PTK2: variants seen among roughly 807,000 people sequenced by gnomAD.
PTK2 encodes protein tyrosine kinase 2.
PTK2 carries 45 observed loss-of-function variants against 150.1 expected under a neutral mutation model. The observed-to-expected ratio is 0.30, with a 90% CI of 0.24 to 0.38. PTK2 has a LOEUF of 0.38. PTK2 is among the 10% of genes least tolerant of loss of function. The probability of loss-of-function intolerance (pLI) is 1.00; values close to 1 mark genes in which losing one functional copy is unlikely to be tolerated. For missense variants in PTK2, 919 were observed against 1,307.3 expected, an observed-to-expected ratio of 0.70 and a Z score of 4.58; for synonymous variants, 432 against 449.2, an observed-to-expected ratio of 0.96 and a Z score of 0.48.
chr8:140,672,560 T>A (rs567263423), intron 29 of PTK2, among the ~76,000 whole-genome samples: 7 of 152,286 alleles, frequency 4.6e-5, no homozygotes, highest in African/African-American at 1.4e-4. Flanking sequence ...GCCCAGTTGG[T>A]ACTTTCACTA....
chr8:140,949,700 G>A (rs1231904432), intron 1 of PTK2, among the ~76,000 whole-genome samples: 2 of 152,218 alleles, frequency 1.3e-5, no homozygotes, highest in Admixed American at 6.5e-5. Context: ...CTCAGTGTGG[G>A]CCTGCAGGCA....
chr8:140,668,288 T>G, exon 30 of PTK2: 1 of 1,614,132 alleles, frequency 6.2e-7, no homozygotes, highest in Non-Finnish European at 8.5e-7. Context: ...AGGGACATAC[T>G]CCTCTGGTGG....
At chr8:140,689,775 C>T (rs929844001) in intron 26 of PTK2, among the ~76,000 whole-genome samples, 5 of 152,038 alleles carry the variant, frequency 3.3e-5, no homozygotes, top group Non-Finnish European at 4.4e-5. Context: ...TTCTTTGTAC[C>T]ATTCTTGTAA....
intron 8 of PTK2, among the ~76,000 whole-genome samples, chr8:140,828,760 C>G (rs1049535866): frequency 6.6e-6 from 1 of 152,174 alleles, no homozygotes; most frequent in Non-Finnish European, 1.5e-5. Flanking sequence ...AAGGGTCTTC[C>G]CATGCCTTCT....
At position 140,727,907 on chromosome 8, in the gene PTK2, G is replaced by T. The variant is rs374426320; in HGVS notation, c.2030+7344C>A. The stretch of plus-strand genomic sequence containing the variant: ...GTACTACACTTTTTAGAAAAGTAGA[G>T]AAAGACGGCCGGGCGCGGTGGCTCA... On this transcript the variant is annotated intron_variant, in intron 22 of 31. Coordinates refer to ENST00000522684, the Ensembl canonical transcript of PTK2. Among the ~76,000 whole-genome samples the T allele has an allele frequency of 1.1e-4, 17 of 152,202 alleles. No homozygotes were observed. The East Asian group carries it at 2.5e-3, about 23-fold the overall frequency.
chr8:140,833,720 C>T (rs559146882), intron 7 of PTK2, among the ~76,000 whole-genome samples: 7 of 152,314 alleles, frequency 4.6e-5, no homozygotes, highest in Non-Finnish European at 1.0e-4. Flanking sequence ...AATATAATTA[C>T]TAACCTTTAT....
intron 1 of PTK2, among the ~76,000 whole-genome samples, chr8:140,933,148 G>A (rs915413532): frequency 4.0e-5 from 6 of 150,560 alleles, no homozygotes; most frequent in African/African-American, 1.5e-4. Context: ...ACCGCACATG[G>A]CCCCCTGACT....
At chr8:140,784,742 C>A (rs2100083896) in intron 14 of PTK2, among the ~76,000 whole-genome samples, 1 of 152,142 alleles carries the variant, frequency 6.6e-6, no homozygotes, top group East Asian at 1.9e-4. Context: ...AAAAAGACTT[C>A]TACAGGTTCT....
chr8:140,994,921 C>A (rs988408175), intron 1 of PTK2, among the ~76,000 whole-genome samples: 4 of 152,034 alleles, frequency 2.6e-5, no homozygotes, highest in Non-Finnish European at 4.4e-5. Context: ...CCCATCTCTA[C>A]TAAAAATACA....
intron 14 of PTK2, among the ~76,000 whole-genome samples, chr8:140,777,929 C>A (rs1163860825): frequency 6.6e-6 from 1 of 152,162 alleles, no homozygotes; most frequent in Admixed American, 6.5e-5. Context: ...TTTTCCCATG[C>A]CTTCAACTGC....
chr8:140,925,233 T>G (rs1422954112), intron 2 of PTK2, among the ~76,000 whole-genome samples: 1 of 152,226 alleles, frequency 6.6e-6, no homozygotes, highest in Non-Finnish European at 1.5e-5. Context: ...AAAAAATTAT[T>G]ATTCATATTA....
chr8:140,915,983 T>C (rs77043689), intron 2 of PTK2, among the ~76,000 whole-genome samples: 1 of 151,780 alleles, frequency 6.6e-6, no homozygotes, highest in Admixed American at 6.6e-5. Context: ...GAGGAAAAAA[T>C]TGGGCAAAAC....
At chr8:140,786,286 C>A (rs2100084913) in intron 14 of PTK2, among the ~76,000 whole-genome samples, 1 of 152,208 alleles carries the variant, frequency 6.6e-6, no homozygotes, top group Non-Finnish European at 1.5e-5. Flanking sequence ...AACACGCTTA[C>A]TGTGGAGAAG....
intron 15 of PTK2, among the ~76,000 whole-genome samples, chr8:140,763,845 GTGTA>G (rs1384303221): frequency 1.8e-4 from 28 of 152,198 alleles, no homozygotes; most frequent in Non-Finnish European, 1.5e-5. Flanking sequence ...GTATACGTGT[GTGTA>G]TGTATGTGTA....
At chr8:140,851,579 C>T (rs2100129276) in intron 5 of PTK2, among the ~76,000 whole-genome samples, 1 of 152,104 alleles carries the variant, frequency 6.6e-6, no homozygotes, top group Admixed American at 6.5e-5. Context: ...AATGAAGGGG[C>T]CAGGCATGGT....
At chr8:140,862,689 A>G (rs574304174) in intron 5 of PTK2, among the ~76,000 whole-genome samples, 3 of 152,310 alleles carry the variant, frequency 2.0e-5, no homozygotes, top group South Asian at 2.1e-4. Flanking sequence ...CTCCTGTCAG[A>G]TAAGCAGTGG....
rs548834893 is a variant in PTK2 at position 140,962,873 on chromosome 8, TC to T, written c.-121-37125del. Reference sequence around the variant, plus strand: ...CTACAAACTTCCTGGCCCTTGTAGGTCCCCCCCCCCAACCCAACCTACCTAG... The same window carrying T: ...CTACAAACTTCCTGGCCCTTGTAGGTCCCCCCCCCAACCCAACCTACCTAG... On this transcript the variant is annotated intron_variant, in intron 1 of 31. Coordinates refer to ENST00000522684, the Ensembl canonical transcript of PTK2. Among the ~76,000 whole-genome samples the T allele has an allele frequency of 3.8e-3, 532 of 141,844 alleles. 3 individuals are homozygous for T. The highest frequency in any genetic ancestry group is 4.4e-3 in the Non-Finnish European group (283 of 64,246). 93.1% of individuals were successfully genotyped at this position (141,844 alleles called of 152,430 possible). A position where few individuals can be genotyped will look rare whatever the true frequency, so the allele number is the denominator to read the frequency against.
chr8:140,920,450 T>C (rs2100166980), intron 2 of PTK2, among the ~76,000 whole-genome samples: 1 of 152,170 alleles, frequency 6.6e-6, no homozygotes, highest in African/African-American at 2.4e-5. Context: ...AAATACATGT[T>C]ACTCTTATTT....
chr8:140,669,763 G>A, intron 29 of PTK2, 28 bp from the exon 33 acceptor site: 1 of 1,528,682 alleles, frequency 6.5e-7, no homozygotes, highest in Non-Finnish European at 8.8e-7. Context: ...GTGAGGAAAA[G>A]TTAAAGGAAT....
Sources: gnomAD v4.1 joint callset for allele counts (sites outside exome capture counted in the v4.1 genomes callset) on GRCh38, gnomAD v4.1.1 for gene constraint, MANE v1.5 for transcripts, NCBI Gene and HGNC (gene_info 2026-07-23, HGNC 2026-07-21) for gene names.